Variants in SORCS3 observed in about 807,000 individuals in gnomAD.
The protein encoded by SORCS3 is sortilin related VPS10 domain containing receptor 3.
A neutral mutation model predicts 146.3 loss-of-function variants in SORCS3; 57 were observed. The ratio of observed to expected loss-of-function variants is 0.39; its 90% confidence interval spans 0.31 to 0.49. The LOEUF is 0.49. Ranked by LOEUF, SORCS3 falls within the 20% of genes least tolerant of loss-of-function variation. The probability of loss-of-function intolerance (pLI) is 0.92; values close to 1 mark genes in which losing one functional copy is unlikely to be tolerated. For missense variants in SORCS3, 1,341 were observed against 1,575.5 expected, an observed-to-expected ratio of 0.85 and a Z score of 2.52; for synonymous variants, 653 against 618.5, an observed-to-expected ratio of 1.06 and a Z score of -0.83.
chr10:104,934,849 C>A (rs1359809309), intron 3 of SORCS3, among the ~76,000 whole-genome samples: 1 of 152,154 alleles, frequency 6.6e-6, no homozygotes, highest in Non-Finnish European at 1.5e-5. Flanking sequence ...TGAAAACAGT[C>A]AAGGCTGGGA....
intron 5 of SORCS3, among the ~76,000 whole-genome samples, chr10:105,062,682 C>T (rs758346535): frequency 6.6e-6 from 1 of 152,198 alleles, no homozygotes; most frequent in Non-Finnish European, 1.5e-5. Flanking sequence ...CTGTCTTTCC[C>T]AGCAAGGGCT....
chr10:104,660,206 G>A (rs1165432745), intron 1 of SORCS3, among the ~76,000 whole-genome samples: 3 of 152,220 alleles, frequency 2.0e-5, no homozygotes, highest in African/African-American at 7.2e-5. Flanking sequence ...GCACATCGCT[G>A]TGTCTTAGGT....
At position 104,778,041 on chromosome 10, in the gene SORCS3, T is replaced by G. The variant is rs148484302; in HGVS notation, c.628-64751T>G. 9.3e-4 allele frequency among the ~76,000 whole-genome samples: 142 copies of G among 152,214 alleles called. 1 individual carries two copies. Among genetic ancestry groups the G allele is most frequent in the African/African-American group, 3.3e-3 (135 of 41,526 alleles). ...ATACAGTTAGATAGAAGGAATAAGATCTAGCATTTGTACAACAGGGAAATT... is the reference window on the plus strand; with the variant it reads ...ATACAGTTAGATAGAAGGAATAAGAGCTAGCATTTGTACAACAGGGAAATT... On this transcript the variant is annotated intron_variant, in intron 1 of 26. Transcript: ENST00000369701.
chr10:104,847,561 A>C (rs988172257), intron 2 of SORCS3, among the ~76,000 whole-genome samples: 1 of 152,170 alleles, frequency 6.6e-6, no homozygotes, highest in Non-Finnish European at 1.5e-5. Flanking sequence ...CACCACAGGT[A>C]TGCAGTCCCC....
At position 105,019,303 on chromosome 10, in the gene SORCS3, C is replaced by T. The variant is rs554142280; in HGVS notation, c.955-23752C>T. Among the ~76,000 whole-genome samples, 102 of 152,264 alleles carry T rather than the reference C, an allele frequency of 6.7e-4. 3 individuals carry two copies. In the South Asian group the frequency reaches 0.018, roughly 27 times the overall value. ...TAAATCAGTTTGTGCTACTCTATAT[C>T]GTATAGTATGTCATTCCACATAGGA... On this transcript the variant is annotated intron_variant, in intron 4 of 26. Coordinates refer to ENST00000369701, the MANE Select transcript of SORCS3 (RefSeq NM_014978.3).
chr10:104,931,174 G>C (rs986968856), intron 3 of SORCS3, among the ~76,000 whole-genome samples: 1 of 152,180 alleles, frequency 6.6e-6, no homozygotes, highest in South Asian at 2.1e-4. Context: ...GAGTCTCAGG[G>C]GGGGAGTCCC....
intron 12 of SORCS3, among the ~76,000 whole-genome samples, chr10:105,166,107 C>T (rs960786153): frequency 3.9e-5 from 6 of 152,086 alleles, no homozygotes; most frequent in African/African-American, 1.4e-4. Flanking sequence ...TGCATTGGGG[C>T]TCATCATTAA....
intron 4 of SORCS3, among the ~76,000 whole-genome samples, chr10:104,994,156 C>T (rs964691608): frequency 5.3e-5 from 8 of 152,102 alleles, no homozygotes; most frequent in Non-Finnish European, 1.2e-4. Context: ...CCTAGAGATG[C>T]AATAATGGAT....
intron 3 of SORCS3, among the ~76,000 whole-genome samples, chr10:104,962,859 G>A (rs1006755093): frequency 3.3e-5 from 5 of 152,206 alleles, no homozygotes; most frequent in African/African-American, 7.2e-5. Context: ...GTGAATGTTT[G>A]TTTCAAGTTA....
At chr10:104,790,353 T>C (rs1292889926) in intron 1 of SORCS3, among the ~76,000 whole-genome samples, 2 of 152,198 alleles carry the variant, frequency 1.3e-5, no homozygotes, top group African/African-American at 4.8e-5. Flanking sequence ...GTCAGCCATA[T>C]TGGAAAGGTG....
chr10:105,174,384 A>G (rs2056382989), intron 13 of SORCS3, among the ~76,000 whole-genome samples: 1 of 152,144 alleles, frequency 6.6e-6, no homozygotes, highest in South Asian at 2.1e-4. Context: ...TTCAATATAG[A>G]ATTCAATATA....
chr10:105,130,486 G>T (rs948985303), intron 7 of SORCS3, among the ~76,000 whole-genome samples: 1 of 152,040 alleles, frequency 6.6e-6, no homozygotes, highest in African/African-American at 2.4e-5. Flanking sequence ...GAAGTTGCTC[G>T]GCAGGGCTGC....
intron 5 of SORCS3, among the ~76,000 whole-genome samples, chr10:105,056,242 G>A (rs1266740498): frequency 2.0e-5 from 3 of 152,176 alleles, no homozygotes; most frequent in African/African-American, 7.2e-5. Flanking sequence ...CAACCTCTAT[G>A]TTTTTGACAT....
intron 1 of SORCS3, among the ~76,000 whole-genome samples, chr10:104,668,151 G>C (rs2015806238): frequency 6.6e-6 from 1 of 151,442 alleles, no homozygotes; most frequent in African/African-American, 2.4e-5. Flanking sequence ...TGCAACAGCT[G>C]TGTGTGTGTG....
At chr10:104,695,204 T>C (rs534627175) in intron 1 of SORCS3, among the ~76,000 whole-genome samples, 1 of 152,240 alleles carries the variant, frequency 6.6e-6, no homozygotes, top group African/African-American at 2.4e-5. Context: ...TTCCCAGAGA[T>C]ATTTTCACTT....
At chr10:104,867,785 A>T (rs1332022253) in intron 2 of SORCS3, among the ~76,000 whole-genome samples, 1 of 152,188 alleles carries the variant, frequency 6.6e-6, no homozygotes, top group Admixed American at 6.5e-5. Flanking sequence ...GGCATGCATG[A>T]TCATCAGCTA....
At chr10:104,708,432 A>G (rs140774134) in intron 1 of SORCS3, among the ~76,000 whole-genome samples, 13 of 152,328 alleles carry the variant, frequency 8.5e-5, no homozygotes, top group African/African-American at 2.9e-4. Context: ...CCAGACTAGC[A>G]AGGTAAGTGA....
intron 1 of SORCS3, among the ~76,000 whole-genome samples, chr10:104,729,965 G>T (rs1268308041): frequency 6.6e-6 from 1 of 152,204 alleles, no homozygotes; most frequent in Non-Finnish European, 1.5e-5. Context: ...AAGAGAACTT[G>T]ACCTTATCAA....
chr10:105,152,732 G>C (rs1269116068), intron 9 of SORCS3, among the ~76,000 whole-genome samples: 2 of 152,110 alleles, frequency 1.3e-5, no homozygotes, highest in African/African-American at 2.4e-5. Flanking sequence ...TGTGGCCAGT[G>C]GCTACTGTTT....
Sources: gnomAD v4.1 joint callset for allele counts (sites outside exome capture counted in the v4.1 genomes callset) on GRCh38, gnomAD v4.1.1 for gene constraint, MANE v1.5 for transcripts, NCBI Gene and HGNC (gene_info 2026-07-23, HGNC 2026-07-21) for gene names.